CNTNAP3: variants seen among roughly 807,000 people sequenced by gnomAD.
CNTNAP3 encodes contactin-associated protein-like 3.
In CNTNAP3, 36 loss-of-function variants were observed where a neutral mutation model predicts 92.1. The observed-to-expected ratio is 0.39, with a 90% CI of 0.30 to 0.52. CNTNAP3 has a LOEUF of 0.52. Ranked by LOEUF, CNTNAP3 falls within the 20% of genes least tolerant of loss-of-function variation. CNTNAP3 has a pLI of 0.76. For missense variants in CNTNAP3, 534 were observed against 1,069.6 expected, an observed-to-expected ratio of 0.50 and a Z score of 6.98; for synonymous variants, 232 against 422.3, an observed-to-expected ratio of 0.55 and a Z score of 5.53.
At chr9:39,118,058 G>A in intron 14 of CNTNAP3, 45 bp downstream of exon 14, 1 of 1,580,520 alleles carries the variant, frequency 6.3e-7, no homozygotes, top group African/African-American at 1.4e-5. Flanking sequence ...CATAATTAAA[G>A]AATAAAAACC....
intron 14 of CNTNAP3, among the ~76,000 whole-genome samples, chr9:39,114,416 T>A (rs1190272143): frequency 6.6e-6 from 1 of 152,144 alleles, no homozygotes; most frequent in East Asian, 1.9e-4. Flanking sequence ...AATCTGATGA[T>A]ACACACAAGT....
chr9:39,079,300 G>T (rs533757511), intron 21 of CNTNAP3, among the ~76,000 whole-genome samples: 4 of 150,942 alleles, frequency 2.7e-5, no homozygotes, highest in Non-Finnish European at 5.9e-5. Flanking sequence ...GAGGATTACA[G>T]AAAAGCGACT....
intron 13 of CNTNAP3, among the ~76,000 whole-genome samples, chr9:39,129,271 G>C (rs1312530963): frequency 6.6e-6 from 1 of 152,214 alleles, no homozygotes; most frequent in Non-Finnish European, 1.5e-5. Flanking sequence ...TGTGATATTG[G>C]TGGAGGCATA....
chr9:39,099,352 A>C (rs1269938199), intron 18 of CNTNAP3, among the ~76,000 whole-genome samples: 1 of 152,184 alleles, frequency 6.6e-6, no homozygotes, highest in Non-Finnish European at 1.5e-5. Context: ...ACAGTGTTTG[A>C]GTGATCCTGT....
chr9:39,147,763 TA>T (rs1231420271), intron 10 of CNTNAP3, among the ~76,000 whole-genome samples: 4 of 152,136 alleles, frequency 2.6e-5, no homozygotes, highest in African/African-American at 9.7e-5. Context: ...ACTTTAAGGT[TA>T]AAACAAAACA....
At chr9:39,114,023 TAC>T (rs772231006) in intron 14 of CNTNAP3, among the ~76,000 whole-genome samples, 5,379 of 141,422 alleles carry the variant, frequency 0.038, 154 homozygotes, top group Non-Finnish European at 0.06. Context: ...CACATATATA[TAC>T]ACACATATAT....
At chr9:39,087,909 T>A (rs1423191275) in intron 19 of CNTNAP3, among the ~76,000 whole-genome samples, 1 of 152,174 alleles carries the variant, frequency 6.6e-6, no homozygotes, top group African/African-American at 2.4e-5. Context: ...TACCACTGTT[T>A]GAGAGGTTGT....
At chr9:39,110,683 G>T (rs1233699439) in intron 14 of CNTNAP3, among the ~76,000 whole-genome samples, 1 of 152,030 alleles carries the variant, frequency 6.6e-6, no homozygotes, top group African/African-American at 2.4e-5. Flanking sequence ...AAAGGCATTT[G>T]TCTACTCTGC....
chr9:39,287,091 C>CA lies in CNTNAP3; in HGVS notation c.85+888dup, dbSNP rs1275529077. ...GGTTTGATTAATCAAGAAAGAAAGA[C>CA]AACTCTCTGCTAGAGATTTACTCCA... On this transcript the variant is annotated intron_variant, in intron 1 of 23. Coordinates refer to ENST00000297668, the MANE Select transcript of CNTNAP3 (RefSeq NM_033655.5). Among the ~76,000 whole-genome samples the CA allele has an allele frequency of 1.8e-4, 10 of 57,000 alleles. 2 individuals carry two copies. Among genetic ancestry groups the CA allele is most frequent in the Admixed American group, 3.7e-4 (2 of 5,446 alleles). The allele number at this position is 57,000 out of a possible 152,430, so 37.4% of individuals were successfully genotyped here. A position where few individuals can be genotyped will look rare whatever the true frequency, so the allele number is the denominator to read the frequency against.
chr9:39,135,025 C>A (rs1988187), intron 12 of CNTNAP3, among the ~76,000 whole-genome samples: 3 of 151,872 alleles, frequency 2.0e-5, no homozygotes, highest in African/African-American at 7.3e-5. Flanking sequence ...GGGAACTGTT[C>A]AGAATACATC....
chr9:39,082,691 G>A lies in CNTNAP3; in HGVS notation c.3442+3045C>T, dbSNP rs191046174. ...GGGATAAGGTCATGACCCCCTCCAG[G>A]ACAAAGAACAGACTTGCTTAGTGCT... On this transcript the variant is annotated intron_variant, in intron 21 of 23. Coordinates refer to ENST00000297668, the MANE Select transcript of CNTNAP3 (RefSeq NM_033655.5). Among the ~76,000 whole-genome samples, 11 of 152,394 alleles carry A rather than the reference G, an allele frequency of 7.2e-5. No individual in the cohort carries two copies. In the East Asian group the frequency reaches 2.1e-3, roughly 29 times the overall value.
chr9:39,077,047 AG>A (rs1825795681), intron 23 of CNTNAP3, among the ~76,000 whole-genome samples: 1 of 152,298 alleles, frequency 6.6e-6, no homozygotes, highest in Non-Finnish European at 1.5e-5. Context: ...ATTATATTTT[AG>A]AAAAAAAGTT....
At chr9:39,151,931 C>A (rs759622162) in intron 9 of CNTNAP3, among the ~76,000 whole-genome samples, 1 of 150,590 alleles carries the variant, frequency 6.6e-6, no homozygotes, top group Non-Finnish European at 1.5e-5. Context: ...CACTTTGAGT[C>A]CACGCAAATA....
At chr9:39,122,245 C>T (rs1482835377) in intron 13 of CNTNAP3, among the ~76,000 whole-genome samples, 2 of 152,336 alleles carry the variant, frequency 1.3e-5, no homozygotes, top group African/African-American at 4.8e-5. Flanking sequence ...GTCCCAGCTA[C>T]TCGGGAGGCT....
rs562611808 is a variant in CNTNAP3 at position 39,072,191 on chromosome 9, G to A, written c.*1699C>T. Reference sequence around the variant, plus strand: ...TCTGAGAAGAGATCATTTGTTAAGAGCGGATTTAAGACAGAGAGTGTATTC... The same window carrying A: ...TCTGAGAAGAGATCATTTGTTAAGAACGGATTTAAGACAGAGAGTGTATTC... On this transcript the variant is annotated 3_prime_UTR_variant, in exon 24 of 24. Transcript: ENST00000297668. 4.3e-5 allele frequency among the ~76,000 whole-genome samples: 5 copies of A among 114,948 alleles called. 1 individual carries two copies. Among genetic ancestry groups the A allele is most frequent in the Non-Finnish European group, 8.5e-5 (5 of 59,058 alleles). The allele number at this position is 114,948 out of a possible 152,430, so 75.4% of individuals were successfully genotyped here.
chr9:39,086,544 A>G, intron 20 of CNTNAP3, 172 bp downstream of exon 20: 2 of 844,466 alleles, frequency 2.4e-6, no homozygotes, highest in Non-Finnish European at 3.5e-6. Context: ...TACAGAATAA[A>G]CAACCACCTC....
intron 15 of CNTNAP3, among the ~76,000 whole-genome samples, chr9:39,104,770 ATGT>A (rs1826559088): frequency 6.6e-6 from 1 of 152,010 alleles, no homozygotes; most frequent in African/African-American, 2.4e-5. Flanking sequence ...GATTGGATTC[ATGT>A]TGTGCATTTT....
At chr9:39,150,120 A>C in intron 9 of CNTNAP3, 143 bp from the exon 10 acceptor site, 1 of 624,544 alleles carries the variant, frequency 1.6e-6, no homozygotes, top group South Asian at 2.0e-5. Flanking sequence ...TAGAGAGGTG[A>C]GAAGGGGCAA....
intron 14 of CNTNAP3, among the ~76,000 whole-genome samples, chr9:39,109,635 T>A (rs1301153863): frequency 6.6e-6 from 1 of 152,320 alleles, no homozygotes; most frequent in South Asian, 2.1e-4. Context: ...ACAAGTTTTA[T>A]AAGACATGAA....
Sources: allele counts gnomAD v4.1 joint callset (sites outside exome capture counted in the v4.1 genomes callset), GRCh38; gene constraint gnomAD v4.1.1; transcripts MANE v1.5; gene names NCBI Gene and HGNC (gene_info 2026-07-23, HGNC 2026-07-21).